The following TUSC3 variants were observed in gnomAD, a reference collection of about 807,000 sequenced individuals.
TUSC3 encodes the protein dolichyl-diphosphooligosaccharide--protein glycosyltransferase subunit TUSC3.
TUSC3 carries 45 observed loss-of-function variants against 44.8 expected under a neutral mutation model. The ratio of observed to expected loss-of-function variants is 1.00; its 90% CI spans 0.79 to 1.29. The LOEUF (loss-of-function observed/expected upper bound fraction) is 1.29, where lower values mean the gene tolerates loss of function less well. Among genes scored for constraint, TUSC3 ranks in the 50% most tolerant of loss-of-function variants. The pLI is 0.00. For synonymous variants in TUSC3, 212 were observed against 152.9 expected (o/e 1.39, Z -2.85); for missense variants, 519 against 437.9 (o/e 1.19, Z -1.65).
At chr8:15,837,129 G>A in the TUSC3 span, among the ~76,000 whole-genome samples, 3 of 152,104 alleles carry the variant, frequency 2.0e-5, no homozygotes, top group Non-Finnish European at 4.4e-5. Context: ...GGCAGTGTAT[G>A]CTGTAGTGGA....
chr8:15,797,418 C>T, the TUSC3 span, among the ~76,000 whole-genome samples: 1 of 152,076 alleles, frequency 6.6e-6, no homozygotes, highest in East Asian at 1.9e-4. Context: ...GGACTTAGCA[C>T]TGTGAATCCA....
intron 2 of TUSC3, among the ~76,000 whole-genome samples, chr8:15,516,463 C>T (rs1801217120): frequency 6.6e-6 from 1 of 152,162 alleles, no homozygotes; most frequent in Non-Finnish European, 1.5e-5. Flanking sequence ...TTGATACATA[C>T]ATAGGTTCTT....
intron 1 of TUSC3, among the ~76,000 whole-genome samples, chr8:15,430,638 G>A (rs1799862007): frequency 6.6e-6 from 1 of 151,420 alleles, no homozygotes; most frequent in Admixed American, 6.6e-5. Flanking sequence ...GGGCAATCAG[G>A]CAGGAGAAGG....
chr8:15,675,096 G>A (rs938592524), intron 6 of TUSC3, among the ~76,000 whole-genome samples: 1 of 151,776 alleles, frequency 6.6e-6, no homozygotes, highest in Non-Finnish European at 1.5e-5. Context: ...TATTTTGTCC[G>A]TTTGCCTTTT....
intron 1 of TUSC3, among the ~76,000 whole-genome samples, chr8:15,590,335 A>G (rs1024740884): frequency 1.3e-5 from 2 of 152,120 alleles, no homozygotes; most frequent in African/African-American, 4.8e-5. Flanking sequence ...GTTTATGGCA[A>G]AGTCAAACCC....
chr8:15,582,934 A>G (rs1208483180), intron 1 of TUSC3, among the ~76,000 whole-genome samples: 1 of 152,212 alleles, frequency 6.6e-6, no homozygotes, highest in Non-Finnish European at 1.5e-5. Flanking sequence ...CAGTCTGTAT[A>G]TACCTCAAAT....
the TUSC3 span, among the ~76,000 whole-genome samples, chr8:15,805,926 A>C: frequency 6.6e-6 from 1 of 152,146 alleles, no homozygotes; most frequent in East Asian, 1.9e-4. Flanking sequence ...GGTATGTTTG[A>C]ATTATGGTTT....
intron 1 of TUSC3, among the ~76,000 whole-genome samples, chr8:15,436,284 A>T (rs1191860934): frequency 6.6e-6 from 1 of 152,216 alleles, no homozygotes; most frequent in East Asian, 1.9e-4. Context: ...TCAAAAGGAA[A>T]GGAAGTAGAT....
rs1812320155 is a variant in TUSC3, at chr8:15,766,184, A to G, written c.*2028A>G. 1 of 152,076 alleles carries G rather than the reference A, an allele frequency of 6.6e-6. No homozygotes were observed. Among genetic ancestry groups the G allele is most frequent in the Non-Finnish European group, 1.5e-5 (1 of 67,978 alleles). 9.4% of individuals were successfully genotyped at this position (152,076 alleles called of 1,614,324 possible). A position where few individuals can be genotyped will look rare whatever the true frequency, so the allele number is the denominator to read the frequency against. On this transcript the variant is annotated 3_prime_UTR_variant, in exon 11 of 11. Coordinates refer to ENST00000503731, the MANE Select transcript of TUSC3 (RefSeq NM_006765.4). Reference sequence around the variant, plus strand: ...TTTTTTTTCAGAATTTCATGCTTTAAAAAGCTGTGGCTTCTCTATAGACAA... The same window carrying G: ...TTTTTTTTCAGAATTTCATGCTTTAGAAAGCTGTGGCTTCTCTATAGACAA...
chr8:15,810,443 G>T, the TUSC3 span, among the ~76,000 whole-genome samples: 1 of 152,032 alleles, frequency 6.6e-6, no homozygotes, highest in South Asian at 2.1e-4. Flanking sequence ...TTTGAGAGCA[G>T]CCTGGGCAAC....
chr8:15,618,758 T>G (rs1383219206), intron 1 of TUSC3, among the ~76,000 whole-genome samples: 1 of 152,236 alleles, frequency 6.6e-6, no homozygotes, highest in African/African-American at 2.4e-5. Flanking sequence ...CGTAATTGCA[T>G]GTGCTGTGTT....
intron 8 of TUSC3, 110 bp downstream of exon 8, chr8:15,743,722 T>G: frequency 8.2e-7 from 1 of 1,217,534 alleles, no homozygotes; most frequent in Non-Finnish European, 1.2e-6. Flanking sequence ...AAAGAAATGT[T>G]CTGGTTTGAA....
intron 9 of TUSC3, among the ~76,000 whole-genome samples, chr8:15,751,783 C>G (rs1300605065): frequency 6.6e-6 from 1 of 152,142 alleles, no homozygotes; most frequent in Non-Finnish European, 1.5e-5. Flanking sequence ...GATCTTTGAT[C>G]CTAAGAGATC....
At chr8:15,830,824 T>G in the TUSC3 span, among the ~76,000 whole-genome samples, 1 of 152,124 alleles carries the variant, frequency 6.6e-6, no homozygotes, top group Non-Finnish European at 1.5e-5. Flanking sequence ...ATTCAGGTGA[T>G]GGGTACACTA....
chr8:15,742,554 G>A (rs570571898), intron 7 of TUSC3, among the ~76,000 whole-genome samples: 3 of 152,186 alleles, frequency 2.0e-5, no homozygotes, highest in Non-Finnish European at 4.4e-5. Flanking sequence ...TCCTCCACTT[G>A]CTGGTATATT....
intron 9 of TUSC3, among the ~76,000 whole-genome samples, chr8:15,752,246 C>G (rs892986363): frequency 6.6e-6 from 1 of 151,866 alleles, no homozygotes; most frequent in Non-Finnish European, 1.5e-5. Flanking sequence ...ATTTCATGAG[C>G]CGAAAGTCAT....
chr8:15,803,693 C>T, the TUSC3 span, among the ~76,000 whole-genome samples: 1 of 152,100 alleles, frequency 6.6e-6, no homozygotes, highest in Non-Finnish European at 1.5e-5. Context: ...GGTATTTGTT[C>T]TAATGCTCTC....
intron 1 of TUSC3, among the ~76,000 whole-genome samples, chr8:15,475,019 T>C (rs1800556746): frequency 6.6e-6 from 1 of 152,158 alleles, no homozygotes; most frequent in Non-Finnish European, 1.5e-5. Context: ...CCTTTCCAAA[T>C]GTTTTGACGA....
Position 15,530,036 on chromosome 8 carries a change from C to T in TUSC3, n.189+46553C>T, listed in dbSNP as rs188327735. ...TCCTGACCTCGTGATCCACCCGCCT[C>T]GGCCTCCCAAAGTGCTGGGATTACA... On this transcript the variant is annotated intron_variant and non_coding_transcript_variant, in intron 2 of 5. Coordinates refer to the TUSC3 transcript ENST00000503191. Among the ~76,000 whole-genome samples the T allele has an allele frequency of 4.7e-3, 621 of 132,604 alleles. 45 individuals are homozygous for T. Among genetic ancestry groups the T allele is most frequent in the African/African-American group, 0.019 (583 of 30,514 alleles). The allele number at this position is 132,604 out of a possible 152,430, so 87.0% of individuals were successfully genotyped here.
Sources: gnomAD v4.1 joint callset for allele counts (sites outside exome capture counted in the v4.1 genomes callset) on GRCh38, gnomAD v4.1.1 for gene constraint, MANE v1.5 for transcripts, NCBI Gene and HGNC (gene_info 2026-07-23, HGNC 2026-07-21) for gene names.